Variants in SGO2 observed in about 807,000 individuals in gnomAD.
SGO2 encodes the protein shugoshin-like 2.
A neutral mutation model predicts 99.5 loss-of-function variants in SGO2; 68 were observed. That is an observed-to-expected ratio of 0.68 (90% CI 0.56 to 0.84). The LOEUF is 0.84. Among genes scored for constraint, SGO2 ranks in the 40% least tolerant of loss-of-function variants. SGO2 has a pLI of 0.00. For missense variants in SGO2, 1,350 were observed against 1,436.7 expected, an observed-to-expected ratio of 0.94 and a Z score of 0.97; for synonymous variants, 457 against 487.1, an observed-to-expected ratio of 0.94 and a Z score of 0.81.
At chr2:200,548,829 C>T (rs2032348285) in intron 5 of SGO2, among the ~76,000 whole-genome samples, 1 of 152,124 alleles carries the variant, frequency 6.6e-6, no homozygotes, top group Admixed American at 6.5e-5. Context: ...ACCAACAAAT[C>T]ACAAAATGTG....
At chr2:200,576,724 G>GC (rs2106350952) in intron 8 of SGO2, among the ~76,000 whole-genome samples, 1 of 152,118 alleles carries the variant, frequency 6.6e-6, no homozygotes, top group East Asian at 1.9e-4. Flanking sequence ...CCAATTCTAG[G>GC]CAACCACTAA....
At chr2:200,549,765 G>A in intron 5 of SGO2, among the ~76,000 whole-genome samples, 1 of 152,110 alleles carries the variant, frequency 6.6e-6, no homozygotes, top group East Asian at 1.9e-4. Flanking sequence ...AAGTAGGAAA[G>A]GCCATCTATG....
At position 200,571,621 on chromosome 2, in the gene SGO2, T is replaced by C; in HGVS notation, c.1275T>C (p.Ile425=). ...RQFKNSSDVD[I]GEKIENRTER... is the part of the protein sequence containing the mutation. ...TTAAAAATAGTTCAGATGTCGATAT[T>C]GGGGAAAAGATTGAAAACAGGACAG... Residue 425 remains isoleucine (I), a synonymous_variant, in exon 7 of 9, where the codon ATT becomes ATC. Coordinates refer to ENST00000357799, the MANE Select transcript of SGO2 (RefSeq NM_152524.6). 6.2e-7 allele frequency: 1 copy of C among 1,612,630 alleles called. No individual in the cohort carries two copies. Among genetic ancestry groups the C allele is most frequent in the East Asian group, 2.2e-5 (1 of 44,850 alleles).
At chr2:200,542,526 A>C in intron 4 of SGO2, 53 bp from the exon 5 acceptor site, 1 of 1,399,462 alleles carries the variant, frequency 7.1e-7, no homozygotes, top group African/African-American at 1.4e-5. Flanking sequence ...GTGATAACTA[A>C]CATGATTTAA....
chr2:200,547,079 C>G (rs1400383263), intron 5 of SGO2, among the ~76,000 whole-genome samples: 1 of 152,116 alleles, frequency 6.6e-6, no homozygotes, highest in Non-Finnish European at 1.5e-5. Context: ...ATATAATAAT[C>G]AAACTCTCAA....
At chr2:200,533,532 TG>T (rs1306542979) in intron 2 of SGO2, among the ~76,000 whole-genome samples, 2 of 147,250 alleles carry the variant, frequency 1.4e-5, no homozygotes, top group Non-Finnish European at 3.0e-5. Context: ...TGTGTGTGTG[TG>T]TGTGTGTGTG....
intron 5 of SGO2, among the ~76,000 whole-genome samples, chr2:200,554,865 C>T (rs1392251218): frequency 6.6e-6 from 1 of 152,072 alleles, no homozygotes; most frequent in African/African-American, 2.4e-5. Context: ...ATCAGTTTGA[C>T]CTTAAGGTAA....
chr2:200,574,098 A>G (rs1178340896), intron 7 of SGO2, 121 bp downstream of exon 7: 3 of 708,004 alleles, frequency 4.2e-6, no homozygotes, highest in Non-Finnish European at 4.4e-6. Flanking sequence ...TAAAAACAAT[A>G]TATAACTGAG....
At chr2:200,541,786 G>A (rs969421836) in intron 4 of SGO2, among the ~76,000 whole-genome samples, 2 of 152,162 alleles carry the variant, frequency 1.3e-5, no homozygotes, top group East Asian at 1.9e-4. Flanking sequence ...CCTGGTGAGT[G>A]TGGAAGTTTA....
At chr2:200,562,328 T>G (rs987869402) in intron 5 of SGO2, among the ~76,000 whole-genome samples, 1 of 152,174 alleles carries the variant, frequency 6.6e-6, no homozygotes, top group Non-Finnish European at 1.5e-5. Context: ...TTTCCCCATT[T>G]CTTGTTTTTG....
At chr2:200,576,736 C>G (rs1187022935) in intron 8 of SGO2, among the ~76,000 whole-genome samples, 1 of 152,188 alleles carries the variant, frequency 6.6e-6, no homozygotes, top group African/African-American at 2.4e-5. Flanking sequence ...AACCACTAAT[C>G]AACTTCTTGT....
intron 5 of SGO2, among the ~76,000 whole-genome samples, chr2:200,546,375 A>AT: frequency 6.6e-6 from 1 of 150,772 alleles, no homozygotes; most frequent in Non-Finnish European, 1.5e-5. Context: ...AAAAAAAAAA[A>AT]AAAAAGATTT....
intron 5 of SGO2, among the ~76,000 whole-genome samples, chr2:200,557,885 GAC>G (rs2032783093): frequency 1.6e-5 from 2 of 124,044 alleles, no homozygotes; most frequent in South Asian, 5.2e-4. Flanking sequence ...TTTTTTTTGA[GAC>G]AGAGTCTCAC....
intron 5 of SGO2, among the ~76,000 whole-genome samples, chr2:200,552,315 G>A (rs935124231): frequency 6.6e-6 from 1 of 152,164 alleles, no homozygotes; most frequent in Non-Finnish European, 1.5e-5. Context: ...GATTACAGTT[G>A]TGTGTCACAG....
chr2:200,548,370 C>T (rs2032330691), intron 5 of SGO2, among the ~76,000 whole-genome samples: 1 of 151,870 alleles, frequency 6.6e-6, no homozygotes, highest in Non-Finnish European at 1.5e-5. Context: ...CCTAAGCAAC[C>T]AATGGGTCAA....
intron 8 of SGO2, 116 bp downstream of exon 8, chr2:200,575,577 T>C (rs934744941): frequency 1.5e-6 from 1 of 676,208 alleles, no homozygotes; most frequent in Admixed American, 2.9e-5. Flanking sequence ...ATTATTGATA[T>C]GTAACAACCA....
chr2:200,534,762 T>C lies in SGO2; in HGVS notation c.134-234T>C, dbSNP rs908942670. ...CTGCAGTCCTCTTACTCCTTTTTTATACATATTCTGCATTCCTCACAACTC... is the reference window on the plus strand; with the variant it reads ...CTGCAGTCCTCTTACTCCTTTTTTACACATATTCTGCATTCCTCACAACTC... On this transcript the variant is annotated intron_variant, in intron 2 of 8. Coordinates refer to ENST00000357799, the MANE Select transcript of SGO2 (RefSeq NM_152524.6). Among the ~76,000 whole-genome samples the C allele has an allele frequency of 2.6e-5, 4 of 152,212 alleles. No homozygotes were observed. In the East Asian group the frequency reaches 7.7e-4, roughly 29 times the overall value.
chr2:200,532,651 T>C (rs2031465714), intron 1 of SGO2, among the ~76,000 whole-genome samples: 5 of 152,180 alleles, frequency 3.3e-5, no homozygotes. Context: ...TTATACTTCT[T>C]ACATTGTATG....
chr2:200,569,570 C>T (rs773004156), intron 5 of SGO2, 93 bp from the exon 6 acceptor site: 7 of 927,024 alleles, frequency 7.6e-6, no homozygotes, highest in Middle Eastern at 3.3e-4. Context: ...ATTTGTGGTT[C>T]GATCTTAAAT....
Sources: gnomAD v4.1 joint callset for allele counts (sites outside exome capture counted in the v4.1 genomes callset) on GRCh38, gnomAD v4.1.1 for gene constraint, MANE v1.5 for transcripts, NCBI Gene and HGNC (gene_info 2026-07-23, HGNC 2026-07-21) for gene names.